The following CFAP77 variants were observed in gnomAD, a reference collection of about 807,000 sequenced individuals.
The protein encoded by CFAP77 is cilia and flagella associated protein 77.
In CFAP77, 25 loss-of-function variants were observed where a neutral mutation model predicts 31.1. That is an observed-to-expected ratio of 0.80 (90% CI 0.59 to 1.12). The LOEUF is 1.12. Among genes scored for constraint, CFAP77 ranks in the 50% most tolerant of loss-of-function variants. The pLI is 0.00. For synonymous variants in CFAP77, 151 were observed against 159.9 expected, an observed-to-expected ratio of 0.94 and a Z score of 0.42; for missense variants, 377 against 397.3, an observed-to-expected ratio of 0.95 and a Z score of 0.44.
chr9:132,506,942 G>C (rs2118983433), intron 3 of CFAP77, among the ~76,000 whole-genome samples: 1 of 152,288 alleles, frequency 6.6e-6, no homozygotes, highest in South Asian at 2.1e-4. Flanking sequence ...CTAACACAGG[G>C]GTAGAGGTGA....
chr9:132,561,663 C>CACACACA (rs1564253366), intron 5 of CFAP77, among the ~76,000 whole-genome samples: 23 of 50,754 alleles, frequency 4.5e-4, no homozygotes, highest in African/African-American at 2.0e-3. Flanking sequence ...ACACACACAC[C>CACACACA]CCCTCCATGT....
intron 1 of CFAP77, among the ~76,000 whole-genome samples, chr9:132,478,040 G>T (rs748534560): frequency 2.6e-5 from 4 of 151,638 alleles, no homozygotes; most frequent in Non-Finnish European, 5.9e-5. Flanking sequence ...TTTCCTTCTC[G>T]TCTACCCAAC....
intron 3 of CFAP77, among the ~76,000 whole-genome samples, chr9:132,509,947 CCTTCATGGGAGCTTTGT>C (rs1371713469): frequency 1.3e-5 from 2 of 152,186 alleles, no homozygotes; most frequent in Non-Finnish European, 2.9e-5. Flanking sequence ...GCTCCTTCCT[CCTTCATGGGAGCTTTGT>C]CTCCAGAGCC....
chr9:132,486,090 A>ATTTTTTTT (rs1178281920), intron 1 of CFAP77, among the ~76,000 whole-genome samples: 1 of 15,362 alleles, frequency 6.5e-5, no homozygotes, highest in African/African-American at 4.3e-4. Flanking sequence ...ATATATATAT[A>ATTTTTTTT]TTTTTTTTTT....
chr9:132,500,709 A>C (rs1851826617), intron 3 of CFAP77, among the ~76,000 whole-genome samples: 1 of 152,148 alleles, frequency 6.6e-6, no homozygotes, highest in African/African-American at 2.4e-5. Flanking sequence ...TCCCCTGAGA[A>C]ATGACTGCCT....
rs1054880745 is a variant in CFAP77, at chr9:132,524,821, T to C, written c.525-12780T>C. On this transcript the variant is annotated intron_variant, in intron 3 of 5. Coordinates refer to ENST00000393216, the MANE Select transcript of CFAP77 (RefSeq NM_001282957.2). ...CCGCCACCACGCCCAGCTAATTTTT[T>C]GTATTTTTAGTAGAGACGGGGTTTC... 3.9e-4 allele frequency among the ~76,000 whole-genome samples: 55 copies of C among 141,308 alleles called. 1 individual carries two copies. Among genetic ancestry groups the C allele is most frequent in the African/African-American group, 1.4e-3 (53 of 39,146 alleles). 92.7% of individuals were successfully genotyped at this position (141,308 alleles called of 152,430 possible).
At chr9:132,482,463 G>A in intron 1 of CFAP77, 2 of 1,525,556 alleles carry the variant, frequency 1.3e-6, no homozygotes, top group Non-Finnish European at 1.8e-6. Flanking sequence ...GAGAAAAAGG[G>A]GAAAAGAGGG....
chr9:132,555,338 G>A (rs763335182), intron 5 of CFAP77, among the ~76,000 whole-genome samples: 28 of 152,246 alleles, frequency 1.8e-4, no homozygotes, highest in Non-Finnish European at 2.6e-4. Context: ...ACTCCACCCC[G>A]ATGGGCCGAG....
intron 3 of CFAP77, among the ~76,000 whole-genome samples, chr9:132,532,392 G>T (rs925559810): frequency 6.6e-6 from 1 of 152,258 alleles, no homozygotes; most frequent in African/African-American, 2.4e-5. Flanking sequence ...CTGATAGGGC[G>T]ATAGGGCAGG....
rs546056900 is a variant in CFAP77, at chr9:132,442,048, G to A, written c.195+31582G>A. 4.6e-5 allele frequency among the ~76,000 whole-genome samples: 7 copies of A among 152,222 alleles called. No individual in the cohort carries two copies. The South Asian group carries it at 1.5e-3, about 32-fold the overall frequency. On this transcript the variant is annotated intron_variant, in intron 1 of 5. Transcript: ENST00000393216. ...CACTGTTCAGTTGTTCACTTATTTGGCACCTACTACTATGTGCCAGGAGCT... is the reference window on the plus strand; with the variant it reads ...CACTGTTCAGTTGTTCACTTATTTGACACCTACTACTATGTGCCAGGAGCT...
chr9:132,487,992 G>C (rs151252347), intron 1 of CFAP77, among the ~76,000 whole-genome samples: 1 of 152,176 alleles, frequency 6.6e-6, no homozygotes, highest in Non-Finnish European at 1.5e-5. Context: ...GTATGTGTGT[G>C]CCTATGTATG....
At chr9:132,532,174 G>A (rs949082072) in intron 3 of CFAP77, among the ~76,000 whole-genome samples, 4 of 152,226 alleles carry the variant, frequency 2.6e-5, no homozygotes, top group African/African-American at 9.6e-5. Flanking sequence ...CTGCGCAGGG[G>A]CGGCAGCTGG....
At chr9:132,442,996 A>G (rs1449218023) in intron 1 of CFAP77, among the ~76,000 whole-genome samples, 5 of 151,966 alleles carry the variant, frequency 3.3e-5, no homozygotes, top group African/African-American at 7.3e-5. Context: ...ACCCCTGCTA[A>G]CCACTAACCT....
chr9:132,487,412 G>A (rs1033816896), intron 1 of CFAP77, among the ~76,000 whole-genome samples: 5 of 152,144 alleles, frequency 3.3e-5, no homozygotes, highest in Admixed American at 3.3e-4. Context: ...CAATGACACA[G>A]AAGAGACTTT....
chr9:132,453,017 C>T (rs1850853330), intron 1 of CFAP77, among the ~76,000 whole-genome samples: 1 of 152,152 alleles, frequency 6.6e-6, no homozygotes, highest in Admixed American at 6.5e-5. Flanking sequence ...AAGCATTAGA[C>T]TCATGGTGTG....
intron 1 of CFAP77, among the ~76,000 whole-genome samples, chr9:132,427,745 C>T (rs1433331179): frequency 6.6e-6 from 1 of 152,218 alleles, no homozygotes; most frequent in Non-Finnish European, 1.5e-5. Flanking sequence ...AGATGGCCCT[C>T]ATTATGTTCC....
chr9:132,552,353 T>C lies in CFAP77; in HGVS notation c.732+9306T>C, dbSNP rs1852836436. On this transcript the variant is annotated intron_variant, in intron 5 of 5. Transcript: ENST00000393216. This position sits in a 1 kb window ranked among gnomAD's most constrained non-coding sequence, Gnocchi z 5.5. ...GGAAGCTGCTCCTTTAGATGAGTTA[T>C]TCGAAAACTTGGCTTTGCCTGGGAT... is the stretch of plus-strand genomic sequence containing the variant. Among the ~76,000 whole-genome samples the C allele has an allele frequency of 6.6e-6, 1 of 152,172 alleles. No homozygotes were observed. Among genetic ancestry groups the C allele is most frequent in the African/African-American group, 2.4e-5 (1 of 41,456 alleles).
intron 1 of CFAP77, among the ~76,000 whole-genome samples, chr9:132,443,105 G>A (rs948161353): frequency 6.6e-6 from 1 of 151,876 alleles, no homozygotes; most frequent in African/African-American, 2.4e-5. Flanking sequence ...TGTTTTTAAG[G>A]TTCATCCATG....
intron 5 of CFAP77, among the ~76,000 whole-genome samples, chr9:132,546,312 GTC>G (rs1852728469): frequency 1.3e-5 from 2 of 152,224 alleles, no homozygotes; most frequent in East Asian, 3.9e-4. Flanking sequence ...TGTCTGTGGT[GTC>G]TGTCACGTGT....
Sources: allele counts gnomAD v4.1 joint callset (sites outside exome capture counted in the v4.1 genomes callset), GRCh38; gene constraint gnomAD v4.1.1; non-coding constraint Gnocchi (gnomAD v3.1); transcripts MANE v1.5; gene names NCBI Gene and HGNC (gene_info 2026-07-23, HGNC 2026-07-21).